The following DPY19L4 variants were observed in gnomAD, a reference collection of about 807,000 sequenced individuals.
DPY19L4 encodes the protein dpy-19 like 4.
In DPY19L4, 97 loss-of-function variants were observed where a neutral mutation model predicts 102.8. The ratio of observed to expected loss-of-function variants is 0.94; its 90% CI spans 0.80 to 1.12. The LOEUF (loss-of-function observed/expected upper bound fraction) is 1.12. DPY19L4 is among the 50% of genes most tolerant of loss of function. The pLI is 0.00. For synonymous variants in DPY19L4, 252 were observed against 283.1 expected, an observed-to-expected ratio of 0.89 and a Z score of 1.10; for missense variants, 815 against 850.4, an observed-to-expected ratio of 0.96 and a Z score of 0.52.
At chr8:94,763,299 AT>A (rs1260215439) in intron 8 of DPY19L4, among the ~76,000 whole-genome samples, 6 of 89,086 alleles carry the variant, frequency 6.7e-5, no homozygotes, top group East Asian at 3.2e-4. Flanking sequence ...CTATTGACTG[AT>A]TTTTTTTCTG....
intron 8 of DPY19L4, 89 bp from the exon 9 acceptor site, chr8:94,765,094 A>G (rs1812609465): frequency 1.0e-6 from 1 of 971,614 alleles, no homozygotes; most frequent in Non-Finnish European, 1.5e-6. Context: ...CATTAACTGT[A>G]TAATTATAGT....
chr8:94,752,186 C>G (rs1409500993), intron 6 of DPY19L4, among the ~76,000 whole-genome samples: 1 of 152,076 alleles, frequency 6.6e-6, no homozygotes, highest in African/African-American at 2.4e-5. Flanking sequence ...TCCATGTCGT[C>G]TATATTCTTG....
chr8:94,779,049 T>A (rs1401162753), intron 14 of DPY19L4, among the ~76,000 whole-genome samples: 1 of 152,172 alleles, frequency 6.6e-6, no homozygotes, highest in African/African-American at 2.4e-5. Flanking sequence ...ATTTGCTCAC[T>A]CTTACATTTC....
At chr8:94,746,054 ATTTTTTTTTTTTT>A (rs35095979) in intron 6 of DPY19L4, among the ~76,000 whole-genome samples, 16 of 67,120 alleles carry the variant, frequency 2.4e-4, no homozygotes, top group Admixed American at 6.2e-4. Context: ...ATGCCTGGCC[ATTTTTTTTTTTTT>A]TTTTTTTTTT....
chr8:94,734,270 C>T (rs554897981), intron 2 of DPY19L4, among the ~76,000 whole-genome samples: 40 of 152,204 alleles, frequency 2.6e-4, no homozygotes, highest in African/African-American at 9.4e-4. Context: ...TGGTCTCAAA[C>T]TCCTGACCTC....
At chr8:94,726,101 G>A (rs926155360) in intron 1 of DPY19L4, among the ~76,000 whole-genome samples, 3 of 152,142 alleles carry the variant, frequency 2.0e-5, no homozygotes. Context: ...GAGCACATTG[G>A]TTTACTATTA....
At chr8:94,748,986 G>C (rs1234580275) in intron 6 of DPY19L4, among the ~76,000 whole-genome samples, 1 of 152,174 alleles carries the variant, frequency 6.6e-6, no homozygotes, top group African/African-American at 2.4e-5. Flanking sequence ...GGCTGGAGAG[G>C]CCTCACAATC....
At chr8:94,736,271 C>A (rs1168828073) in intron 3 of DPY19L4, among the ~76,000 whole-genome samples, 1 of 152,160 alleles carries the variant, frequency 6.6e-6, no homozygotes, top group African/African-American at 2.4e-5. Context: ...TATTAGGTTT[C>A]ACCATATGTA....
intron 2 of DPY19L4, among the ~76,000 whole-genome samples, chr8:94,734,050 TTA>T (rs1228391913): frequency 6.6e-6 from 1 of 151,332 alleles, no homozygotes; most frequent in East Asian, 1.9e-4. Context: ...TCCTTAGTTT[TTA>T]CCTAATGTCT....
intron 7 of DPY19L4, among the ~76,000 whole-genome samples, chr8:94,760,013 G>C (rs915010549): frequency 1.3e-5 from 2 of 152,212 alleles, no homozygotes. Flanking sequence ...TACAGGCACA[G>C]TGAAAGTGAA....
intron 13 of DPY19L4, among the ~76,000 whole-genome samples, chr8:94,773,928 T>C (rs1010507199): frequency 6.9e-6 from 1 of 145,162 alleles, no homozygotes; most frequent in Non-Finnish European, 1.5e-5. Context: ...CCAGCCACTA[T>C]GGAGGCTGAG....
chr8:94,748,828 A>G (rs992523243), intron 6 of DPY19L4, among the ~76,000 whole-genome samples: 4 of 152,102 alleles, frequency 2.6e-5, no homozygotes, highest in African/African-American at 9.7e-5. Context: ...AATCTAACTA[A>G]TGCCTGATGA....
chr8:94,725,852 T>A (rs1349101423), intron 1 of DPY19L4, among the ~76,000 whole-genome samples: 1 of 152,076 alleles, frequency 6.6e-6, no homozygotes, highest in Non-Finnish European at 1.5e-5. Context: ...CATGTTAGGA[T>A]GGTCTCGATC....
At chr8:94,732,221 TAGC>T (rs1810990821) in intron 2 of DPY19L4, among the ~76,000 whole-genome samples, 7 of 152,028 alleles carry the variant, frequency 4.6e-5, no homozygotes, top group Non-Finnish European at 1.0e-4. Context: ...AATTTTAGTT[TAGC>T]TAAAAAAAAA....
At position 94,739,691 on chromosome 8, in the gene DPY19L4, T is replaced by C. The variant is rs778419277; in HGVS notation, c.512T>C (p.Leu171Ser). Residue 171 changes from leucine (L) to serine (S), a missense_variant, in exon 6 of 19, where the codon TTG becomes TCG. Leu to Ser is a moderately radical substitution (Grantham distance 145). Transcript: ENST00000414645. The part of the protein sequence containing the change: ...VYFYIGIVFG[L>S]QGIYVTALFV... ...TTCTATATTGGCATTGTTTTTGGATTGCAAGGAATATATGTTACTGCTTTA... is the reference window on the plus strand; with the variant it reads ...TTCTATATTGGCATTGTTTTTGGATCGCAAGGAATATATGTTACTGCTTTA... The C allele has an allele frequency of 4.3e-6, 7 of 1,614,158 alleles. No individual in the cohort carries two copies. The highest frequency in any genetic ancestry group is 1.7e-4 in the Middle Eastern group (1 of 6,024).
chr8:94,729,030 A>G (rs1313275006), intron 2 of DPY19L4, among the ~76,000 whole-genome samples: 1 of 152,036 alleles, frequency 6.6e-6, no homozygotes, highest in Non-Finnish European at 1.5e-5. Context: ...AAAGAAAAAA[A>G]AAAAAGAAAA....
At chr8:94,745,711 GA>G (rs925057953) in intron 6 of DPY19L4, among the ~76,000 whole-genome samples, 1 of 152,134 alleles carries the variant, frequency 6.6e-6, no homozygotes, top group East Asian at 1.9e-4. Flanking sequence ...CAAAAAGAAG[GA>G]AAGAGTTTGT....
intron 13 of DPY19L4, among the ~76,000 whole-genome samples, chr8:94,772,962 A>G (rs1812994622): frequency 6.6e-6 from 1 of 152,200 alleles, no homozygotes; most frequent in African/African-American, 2.4e-5. Flanking sequence ...CTGTAATCCT[A>G]GGATTTTGGG....
chr8:94,720,338 C>T, intron 1 of DPY19L4: 1 of 887,458 alleles, frequency 1.1e-6, no homozygotes, highest in Non-Finnish European at 1.4e-6. Flanking sequence ...AAGTGGGAGG[C>T]GCAGTTTGGT....
Sources: allele counts gnomAD v4.1 joint callset (sites outside exome capture counted in the v4.1 genomes callset), GRCh38; gene constraint gnomAD v4.1.1; transcripts MANE v1.5; gene names NCBI Gene and HGNC (gene_info 2026-07-23, HGNC 2026-07-21).